RASSF6: variants seen among roughly 807,000 people sequenced by gnomAD.
RASSF6 encodes Ras association domain family member 6.
Under a neutral mutation model 44.0 loss-of-function variants are expected in RASSF6, and 52 were observed. The ratio of observed to expected loss-of-function variants is 1.18; its 90% confidence interval spans 0.95 to 1.49. RASSF6 has a LOEUF of 1.49. Among genes scored for constraint, RASSF6 ranks in the 40% most tolerant of loss-of-function variants. The pLI, the probability that RASSF6 is intolerant of heterozygous loss-of-function variation, is 0.00. For synonymous variants in RASSF6, 162 were observed against 124.6 expected (o/e 1.30, Z -2.00); for missense variants, 464 against 393.3 (o/e 1.18, Z -1.52).
intron 2 of RASSF6, chr4:73,604,271 G>C (rs1022901591): frequency 6.6e-6 from 1 of 152,110 alleles, no homozygotes; most frequent in African/African-American, 2.4e-5. Context: ...TCAGGAGATG[G>C]AGACCATCCT....
chr4:73,589,994 CA>C (rs1724406884), intron 4 of RASSF6, among the ~76,000 whole-genome samples: 1 of 151,984 alleles, frequency 6.6e-6, no homozygotes, highest in African/African-American at 2.4e-5. Flanking sequence ...ATGACTTGTC[CA>C]AAATATGCAA....
intron 2 of RASSF6, 35 bp downstream of exon 2, chr4:73,611,696 A>G (rs1484548465): frequency 1.3e-5 from 18 of 1,361,834 alleles, no homozygotes; most frequent in Admixed American, 1.7e-5. Context: ...ATGACTGGTG[A>G]GTAGGACAAT....
At chr4:73,605,609 G>T (rs1312222958) in intron 2 of RASSF6, among the ~76,000 whole-genome samples, 1 of 152,208 alleles carries the variant, frequency 6.6e-6, no homozygotes, top group Non-Finnish European at 1.5e-5. Flanking sequence ...CTTTGCAAAT[G>T]AAGGGACTGA....
At chr4:73,593,019 A>ATT (rs11287305) in intron 4 of RASSF6, among the ~76,000 whole-genome samples, 15 of 133,656 alleles carry the variant, frequency 1.1e-4, no homozygotes, top group African/African-American at 3.9e-4. Flanking sequence ...AGTTGCTGGG[A>ATT]TTTTTTTTTT....
intron 2 of RASSF6, among the ~76,000 whole-genome samples, chr4:73,606,740 C>A (rs958897320): frequency 2.0e-5 from 3 of 151,916 alleles, no homozygotes; most frequent in Non-Finnish European, 2.9e-5. Context: ...AAAATTACAC[C>A]CTTTGTGTAT....
intron 2 of RASSF6, among the ~76,000 whole-genome samples, chr4:73,610,991 G>GCT (rs1166595387): frequency 6.6e-6 from 1 of 152,068 alleles, no homozygotes; most frequent in African/African-American, 2.4e-5. Context: ...TTCAGCTGTG[G>GCT]CTTTATTTCC....
intron 5 of RASSF6, among the ~76,000 whole-genome samples, chr4:73,586,238 C>T (rs1342164722): frequency 6.6e-6 from 1 of 151,730 alleles, no homozygotes; most frequent in African/African-American, 2.4e-5. Flanking sequence ...ATATGAATGA[C>T]TTTTTCACTT....
chr4:73,590,298 A>G (rs754824381), intron 4 of RASSF6, among the ~76,000 whole-genome samples: 21 of 152,200 alleles, frequency 1.4e-4, no homozygotes, highest in Non-Finnish European at 2.8e-4. Context: ...GATTCCGTCA[A>G]AGAGAGAACT....
chr4:73,573,355 C>CA lies in RASSF6; in HGVS notation c.*2879dup, dbSNP rs1330983717. 1 of 152,068 alleles carries CA rather than the reference C, an allele frequency of 6.6e-6. No individual in the cohort carries two copies. The highest frequency in any genetic ancestry group is 1.5e-5 in the Non-Finnish European group (1 of 68,006). 9.4% of individuals were successfully genotyped at this position (152,068 alleles called of 1,614,324 possible). Reference sequence around the variant, plus strand: ...GTTGGCCAGGCTGGTCTCGAAATCCCAACCTCAAGTGATCCACCTACCTTG... The same window carrying CA: ...GTTGGCCAGGCTGGTCTCGAAATCCCAAACCTCAAGTGATCCACCTACCTTG... On this transcript the variant is annotated 3_prime_UTR_variant, in exon 11 of 11. Transcript: ENST00000307439.
intron 4 of RASSF6, among the ~76,000 whole-genome samples, chr4:73,590,106 A>G (rs1287782326): frequency 2.6e-5 from 4 of 152,260 alleles, no homozygotes; most frequent in Non-Finnish European, 4.4e-5. Flanking sequence ...AAAGATTTCC[A>G]AAACACTTGT....
chr4:73,590,625 G>A (rs1724472804), intron 4 of RASSF6, among the ~76,000 whole-genome samples: 1 of 152,194 alleles, frequency 6.6e-6, no homozygotes, highest in East Asian at 1.9e-4. Flanking sequence ...CCAGAAACCA[G>A]GGAAAAGCCA....
At chr4:73,595,565 A>G (rs570168420) in intron 3 of RASSF6, among the ~76,000 whole-genome samples, 72 of 152,296 alleles carry the variant, frequency 4.7e-4, no homozygotes, top group African/African-American at 1.6e-3. Flanking sequence ...CCTCAACTTA[A>G]ATGTTCATAA....
chr4:73,611,751 A>C lies in RASSF6; in HGVS notation c.45T>G (p.Asn15Lys), dbSNP rs1452232629. 6.2e-7 allele frequency: 1 copy of C among 1,608,610 alleles called. No individual in the cohort carries two copies. Among genetic ancestry groups the C allele is most frequent in the East Asian group, 2.2e-5 (1 of 44,710 alleles). The change falls in exon 2 of 11, where the codon AAT becomes AAG. Residue 15 changes from asparagine to lysine, a missense_variant. Coordinates refer to ENST00000307439, the MANE Select transcript of RASSF6 (RefSeq NM_177532.5). ...GTTACCTGGTTATGAATGTCTTCTCATTAATGAAGATCCAAGAGGGGTACT... is the reference window on the plus strand; with the variant it reads ...GTTACCTGGTTATGAATGTCTTCTCCTTAATGAAGATCCAAGAGGGGTACT... ...AHQYPSWIFI[N>K]EKTFITREQL...
At position 73,572,887 on chromosome 4, in the gene RASSF6, CAT is replaced by C. The variant is rs910084395; in HGVS notation, c.*3346_*3347del. 6.6e-6 allele frequency: 1 copy of C among 152,028 alleles called. No homozygotes were observed. The highest frequency in any genetic ancestry group is 6.6e-5 in the Admixed American group (1 of 15,266). 9.4% of individuals were successfully genotyped at this position (152,028 alleles called of 1,614,324 possible). A position where few individuals can be genotyped will look rare whatever the true frequency, so the allele number is the denominator to read the frequency against. On this transcript the variant is annotated 3_prime_UTR_variant, in exon 11 of 11. Transcript: ENST00000307439. Reference sequence around the variant, plus strand: ...ACAATGCAGATATAGCCATTTTTAACATGTTTTTATTTCTTGTGTGTATATAT... The same window carrying C: ...ACAATGCAGATATAGCCATTTTTAACGTTTTTATTTCTTGTGTGTATATAT...
chr4:73,606,639 G>GT (rs11284857), intron 2 of RASSF6, among the ~76,000 whole-genome samples: 32 of 149,190 alleles, frequency 2.1e-4, no homozygotes, highest in African/African-American at 6.9e-4. Flanking sequence ...AAGCCTTATA[G>GT]TTTTTTTTTT....
chr4:73,605,441 G>A (rs1257803177), intron 2 of RASSF6, among the ~76,000 whole-genome samples: 1 of 152,090 alleles, frequency 6.6e-6, no homozygotes, highest in Non-Finnish European at 1.5e-5. Context: ...TTGAATCCTG[G>A]AATTAAAATT....
At chr4:73,592,506 T>G (rs6446943) in intron 4 of RASSF6, among the ~76,000 whole-genome samples, 5,967 of 152,284 alleles carry the variant, frequency 0.039, 172 homozygotes, top group African/African-American at 0.072. Context: ...GGAACTTTTA[T>G]ACAGGTATGT....
intron 8 of RASSF6, among the ~76,000 whole-genome samples, chr4:73,579,263 T>A (rs1723448648): frequency 6.6e-6 from 1 of 152,170 alleles, no homozygotes; most frequent in Admixed American, 6.5e-5. Context: ...CATAAATCTG[T>A]AGGCACTAGT....
chr4:73,585,246 C>T lies in RASSF6; in HGVS notation c.501G>A (p.Leu167=), dbSNP rs1434418857. ...TCTGTCTTTCTTTTCTGTCCATCAT[C>T]AGAGGCTTCATCCTTTTTCTCACCA... ...AALVRKRMKP[L]MMDRKERQKN... is the part of the protein sequence containing the mutation. Residue 167 remains leucine, a synonymous_variant, in exon 6 of 11, where the codon CTG becomes CTA. Coordinates refer to ENST00000307439, the MANE Select transcript of RASSF6 (RefSeq NM_177532.5). The T allele has an allele frequency of 1.2e-6, 2 of 1,612,846 alleles. No homozygotes were observed. Among genetic ancestry groups the T allele is most frequent in the Admixed American group, 3.3e-5 (2 of 59,914 alleles).
Sources: allele counts gnomAD v4.1 joint callset (sites outside exome capture counted in the v4.1 genomes callset), GRCh38; gene constraint gnomAD v4.1.1; transcripts MANE v1.5; gene names NCBI Gene and HGNC (gene_info 2026-07-23, HGNC 2026-07-21).